Variants in SORCS3 observed in about 807,000 individuals in gnomAD.
The protein encoded by SORCS3 is VPS10 domain-containing receptor SorCS3.
In SORCS3, 57 loss-of-function variants were observed where a neutral mutation model predicts 146.3. The observed-to-expected ratio is 0.39, with a 90% CI of 0.31 to 0.49. The LOEUF is 0.49. Ranked by LOEUF, SORCS3 falls within the 20% of genes least tolerant of loss-of-function variation. SORCS3 has a pLI of 0.92. For synonymous variants in SORCS3, 653 were observed against 618.5 expected (o/e 1.06, Z -0.83); for missense variants, 1,341 against 1,575.5 (o/e 0.85, Z 2.52).
At chr10:104,890,774 G>A (rs1303231210) in intron 2 of SORCS3, among the ~76,000 whole-genome samples, 4 of 152,188 alleles carry the variant, frequency 2.6e-5, no homozygotes, top group Non-Finnish European at 5.9e-5. Flanking sequence ...ATATTTAGCA[G>A]AATTCCTGTC....
intron 1 of SORCS3, among the ~76,000 whole-genome samples, chr10:104,816,394 G>A (rs150819598): frequency 9.7e-4 from 148 of 152,232 alleles, no homozygotes; most frequent in African/African-American, 3.4e-3. Flanking sequence ...TAAACTACCT[G>A]TCCTTGTATT....
At chr10:105,240,349 T>C (rs1219007674) in intron 20 of SORCS3, among the ~76,000 whole-genome samples, 1 of 152,100 alleles carries the variant, frequency 6.6e-6, no homozygotes, top group African/African-American at 2.4e-5. Context: ...AAGAGAAAAC[T>C]ATTAAGGGAG....
At chr10:104,775,881 A>T (rs944752448) in intron 1 of SORCS3, among the ~76,000 whole-genome samples, 2 of 152,234 alleles carry the variant, frequency 1.3e-5, no homozygotes, top group Admixed American at 1.3e-4. Context: ...GCAGAGAGGC[A>T]TAGCTACATC....
intron 3 of SORCS3, among the ~76,000 whole-genome samples, chr10:104,937,482 A>G (rs1408764818): frequency 6.6e-6 from 1 of 152,234 alleles, no homozygotes; most frequent in African/African-American, 2.4e-5. Flanking sequence ...TTAAAAGATA[A>G]CTAACATAGA....
chr10:105,035,969 A>C (rs1009611698), intron 4 of SORCS3, among the ~76,000 whole-genome samples: 1 of 151,946 alleles, frequency 6.6e-6, no homozygotes, highest in Non-Finnish European at 1.5e-5. Flanking sequence ...TAACATATAC[A>C]TTCTTATGGA....
chr10:105,169,957 C>A (rs1002455647), intron 13 of SORCS3, among the ~76,000 whole-genome samples: 3 of 152,068 alleles, frequency 2.0e-5, no homozygotes, highest in Admixed American at 6.6e-5. Context: ...AGCAACCGAC[C>A]CTTAAACTTG....
At chr10:104,815,355 G>C (rs1032536694) in intron 1 of SORCS3, among the ~76,000 whole-genome samples, 7 of 151,190 alleles carry the variant, frequency 4.6e-5, no homozygotes, top group Non-Finnish European at 8.8e-5. Context: ...AGGCTGAGGA[G>C]GTGGGATCAC....
chr10:104,678,126 C>G (rs1171663035), intron 1 of SORCS3, among the ~76,000 whole-genome samples: 1 of 151,616 alleles, frequency 6.6e-6, no homozygotes, highest in Non-Finnish European at 1.5e-5. Flanking sequence ...AAATTTCTTA[C>G]CTGGGCATAG....
intron 1 of SORCS3, among the ~76,000 whole-genome samples, chr10:104,642,608 A>G (rs61732121): frequency 7.9e-5 from 12 of 151,946 alleles, no homozygotes; most frequent in Non-Finnish European, 5.9e-5. Flanking sequence ...CAGAGGCCGT[A>G]AAAAAAAGTT....
intron 2 of SORCS3, among the ~76,000 whole-genome samples, chr10:104,847,945 C>T (rs1248462130): frequency 1.3e-5 from 2 of 151,970 alleles, no homozygotes; most frequent in Non-Finnish European, 2.9e-5. Flanking sequence ...GGAGACCTTT[C>T]ATGACCCTCC....
chr10:105,178,209 A>G (rs2056420163), intron 14 of SORCS3, 36 bp downstream of exon 14: 1 of 1,513,934 alleles, frequency 6.6e-7, no homozygotes, highest in Admixed American at 1.8e-5. Context: ...GAAGAAGACC[A>G]GAGACACTGG....
chr10:104,711,944 C>A (rs560527877), intron 1 of SORCS3, among the ~76,000 whole-genome samples: 1 of 152,302 alleles, frequency 6.6e-6, no homozygotes, highest in East Asian at 1.9e-4. Context: ...GCCTGCCCCG[C>A]TTTTCCATAT....
At chr10:105,058,122 A>G (rs984260741) in intron 5 of SORCS3, among the ~76,000 whole-genome samples, 1 of 152,204 alleles carries the variant, frequency 6.6e-6, no homozygotes, top group Admixed American at 6.5e-5. Flanking sequence ...CAATGGAGGC[A>G]GAGAGAGATG....
At chr10:104,872,241 G>A (rs1017636407) in intron 2 of SORCS3, among the ~76,000 whole-genome samples, 4 of 152,152 alleles carry the variant, frequency 2.6e-5, no homozygotes, top group African/African-American at 9.7e-5. Context: ...ATAAATGGCA[G>A]GCATTGTCTT....
In SORCS3 at chr10:105,139,523, AGGC is replaced by A. The variant is rs760598211; in HGVS notation, c.1302+38_1302+40del. On this transcript the variant is annotated intron_variant, in intron 8 of 26. Transcript: ENST00000369701. The stretch of plus-strand genomic sequence containing the variant: ...ACCACTAGCGGTCCTGGGTCCCTCT[AGGC>A]AAAGGGAGGGTTGGAGAGGCTGCTT... The A allele has an allele frequency of 1.7e-5, 25 of 1,510,554 alleles. No individual in the cohort carries two copies. In the Admixed American group the frequency reaches 4.2e-4, roughly 25 times the overall value. 93.6% of individuals were successfully genotyped at this position (1,510,554 alleles called of 1,614,324 possible).
At chr10:104,877,175 A>G (rs1244984329) in intron 2 of SORCS3, among the ~76,000 whole-genome samples, 1 of 151,970 alleles carries the variant, frequency 6.6e-6, no homozygotes, top group Non-Finnish European at 1.5e-5. Flanking sequence ...TAATCACAAC[A>G]CCTACTGTTT....
At chr10:105,217,949 C>A in intron 19 of SORCS3, 2 of 448,232 alleles carry the variant, frequency 4.5e-6, no homozygotes, top group South Asian at 3.1e-5. Context: ...ACTTACATAC[C>A]CCACAAGAGT....
At position 104,641,644 on chromosome 10, in the gene SORCS3, G is replaced by C; in HGVS notation, c.317G>C (p.Gly106Ala). ...GGCGGTGAGATGCAGGTGGAAGCCG[G>C]AGGGACATCACCGGCAGGCGAGCGG... ...GRGGEMQVEAGGTSPAGERRG... is the reference protein window; with the variant it reads ...GRGGEMQVEAAGTSPAGERRG... The change falls in exon 1 of 27, where the codon GGA (glycine) becomes GCA (alanine). Residue 106 changes from glycine (G) to alanine (A), a missense_variant. Gly to Ala is a moderately conservative substitution (Grantham distance 60, BLOSUM62 0). Coordinates refer to ENST00000369701, the MANE Select transcript of SORCS3 (RefSeq NM_014978.3). This position sits in a 1 kb window ranked among gnomAD's most constrained non-coding sequence, Gnocchi z 6.4. 6.5e-7 allele frequency: 1 copy of C among 1,527,282 alleles called. No individual in the cohort carries two copies. The highest frequency in any genetic ancestry group is 8.8e-7 in the Non-Finnish European group (1 of 1,142,422). The allele number at this position is 1,527,282 out of a possible 1,614,324, so 94.6% of individuals were successfully genotyped here.
At chr10:104,969,317 GT>G (rs1355244932) in intron 3 of SORCS3, among the ~76,000 whole-genome samples, 19 of 150,392 alleles carry the variant, frequency 1.3e-4, no homozygotes, top group Admixed American at 1.2e-3. Flanking sequence ...GTGTGTGTGT[GT>G]GTGTGTGTGT....
Sources: allele counts gnomAD v4.1 joint callset (sites outside exome capture counted in the v4.1 genomes callset), GRCh38; gene constraint gnomAD v4.1.1; non-coding constraint Gnocchi (gnomAD v3.1); transcripts MANE v1.5; gene names NCBI Gene and HGNC (gene_info 2026-07-23, HGNC 2026-07-21).